Variants in USP32 observed in about 807,000 individuals in gnomAD.
The protein encoded by USP32 is ubiquitin carboxyl-terminal hydrolase 32.
Under a neutral mutation model 204.8 loss-of-function variants are expected in USP32, and 59 were observed. The ratio of observed to expected loss-of-function variants is 0.29; its 90% confidence interval spans 0.23 to 0.36. The LOEUF (loss-of-function observed/expected upper bound fraction) is 0.36, where lower values mean the gene tolerates loss of function less well. Among genes scored for constraint, USP32 ranks in the 10% least tolerant of loss-of-function variants. The pLI, the probability that USP32 is intolerant of heterozygous loss-of-function variation, is 1.00. For missense variants in USP32, 1,160 were observed against 1,946.4 expected, an observed-to-expected ratio of 0.60 and a Z score of 7.60; for synonymous variants, 517 against 678.4, an observed-to-expected ratio of 0.76 and a Z score of 3.70.
At chr17:60,215,340 G>C (rs1473318043) in intron 16 of USP32, among the ~76,000 whole-genome samples, 2 of 152,042 alleles carry the variant, frequency 1.3e-5, no homozygotes, top group Non-Finnish European at 2.9e-5. Context: ...AAGGCCCAAG[G>C]TCCAAATTAT....
chr17:60,329,999 ATAAT>A (rs1382249885), intron 2 of USP32, among the ~76,000 whole-genome samples: 4 of 152,224 alleles, frequency 2.6e-5, no homozygotes, highest in African/African-American at 9.6e-5. Flanking sequence ...CTGGTTTAAA[ATAAT>A]TAAATAATTT....
At chr17:60,272,298 T>C (rs552719794) in intron 5 of USP32, among the ~76,000 whole-genome samples, 1 of 152,332 alleles carries the variant, frequency 6.6e-6, no homozygotes, top group South Asian at 2.1e-4. Context: ...ACAGAGAAGA[T>C]GGAGTAGGAG....
chr17:60,268,091 G>C (rs980322210), intron 7 of USP32, among the ~76,000 whole-genome samples: 1 of 152,124 alleles, frequency 6.6e-6, no homozygotes, highest in Non-Finnish European at 1.5e-5. Context: ...GATTACAGGC[G>C]TGAGCAACCA....
At chr17:60,225,995 G>T in intron 13 of USP32, 44 bp downstream of exon 13, 1 of 1,519,384 alleles carries the variant, frequency 6.6e-7, no homozygotes, top group Non-Finnish European at 8.8e-7. Context: ...GACCTATCCA[G>T]GGGGAATAAA....
intron 1 of USP32, among the ~76,000 whole-genome samples, chr17:60,362,918 A>C (rs1185581669): frequency 6.6e-6 from 1 of 152,096 alleles, no homozygotes; most frequent in Non-Finnish European, 1.5e-5. Context: ...CCAAATTGTA[A>C]TAACTGATTG....
At chr17:60,312,517 C>T (rs971273907) in intron 2 of USP32, among the ~76,000 whole-genome samples, 1 of 151,964 alleles carries the variant, frequency 6.6e-6, no homozygotes, top group Non-Finnish European at 1.5e-5. Flanking sequence ...CCTTGACCTC[C>T]CAGGCTCAAG....
chr17:60,333,424 C>T (rs1479998988), intron 2 of USP32, among the ~76,000 whole-genome samples: 2 of 151,924 alleles, frequency 1.3e-5, no homozygotes, highest in South Asian at 4.1e-4. Flanking sequence ...CATGGTGAAA[C>T]CCCCATCTCT....
intron 1 of USP32, among the ~76,000 whole-genome samples, chr17:60,357,554 T>C (rs1319672034): frequency 6.6e-6 from 1 of 152,134 alleles, no homozygotes; most frequent in Non-Finnish European, 1.5e-5. Flanking sequence ...TATATGTAGA[T>C]ATATCAGTAC....
intron 14 of USP32, among the ~76,000 whole-genome samples, chr17:60,223,037 G>A (rs1423819265): frequency 1.3e-5 from 2 of 152,082 alleles, no homozygotes; most frequent in Non-Finnish European, 2.9e-5. Flanking sequence ...AATAAACTAT[G>A]TAAGAAATGA....
At chr17:60,242,870 TG>T (rs1194506984) in intron 11 of USP32, among the ~76,000 whole-genome samples, 1 of 152,256 alleles carries the variant, frequency 6.6e-6, no homozygotes. Flanking sequence ...CTGAGTTCTC[TG>T]CATTTCCCTA....
At chr17:60,233,453 C>T (rs371646002) in intron 12 of USP32, among the ~76,000 whole-genome samples, 2 of 152,132 alleles carry the variant, frequency 1.3e-5, no homozygotes, top group South Asian at 4.1e-4. Flanking sequence ...AAGGAAGATC[C>T]TGTCTCAACA....
At chr17:60,326,168 ATAAG>A (rs967098379) in intron 2 of USP32, among the ~76,000 whole-genome samples, 2 of 151,394 alleles carry the variant, frequency 1.3e-5, no homozygotes, top group African/African-American at 4.9e-5. Context: ...AAATAAGTAA[ATAAG>A]TAAGATTTAC....
chr17:60,385,480 G>A (rs1376865980), intron 1 of USP32, among the ~76,000 whole-genome samples: 2 of 152,276 alleles, frequency 1.3e-5, no homozygotes, highest in East Asian at 3.9e-4. Flanking sequence ...AGGAGACAGA[G>A]GTTGCAGTGA....
At chr17:60,400,529 A>G (rs1567896768) in intron 1 of USP32, among the ~76,000 whole-genome samples, 1 of 152,234 alleles carries the variant, frequency 6.6e-6, no homozygotes, top group Non-Finnish European at 1.5e-5. Context: ...CTACTCACTG[A>G]GATGAGGAAT....
chr17:60,414,100 C>T (rs377653073), intron 1 of USP32, among the ~76,000 whole-genome samples: 19 of 151,698 alleles, frequency 1.3e-4, no homozygotes, highest in African/African-American at 4.1e-4. Context: ...TGGTGGCTCA[C>T]GCCTATAATC....
intron 11 of USP32, among the ~76,000 whole-genome samples, chr17:60,237,987 C>T (rs915549023): frequency 6.6e-6 from 1 of 152,138 alleles, no homozygotes; most frequent in Non-Finnish European, 1.5e-5. Flanking sequence ...GAGGAACTGC[C>T]AAACTGTTTT....
chr17:60,382,395 A>T (rs2089660474), intron 1 of USP32, among the ~76,000 whole-genome samples: 2 of 152,132 alleles, frequency 1.3e-5, no homozygotes, highest in Non-Finnish European at 2.9e-5. Context: ...AATTCGGGAG[A>T]CCTGAACCAC....
intron 1 of USP32, among the ~76,000 whole-genome samples, chr17:60,348,634 C>A (rs1230534647): frequency 1.3e-5 from 2 of 151,996 alleles, no homozygotes; most frequent in Non-Finnish European, 2.9e-5. Flanking sequence ...ATTAGCCACA[C>A]TTGGTGGCAC....
intron 1 of USP32, among the ~76,000 whole-genome samples, chr17:60,348,515 C>T (rs557132733): frequency 1.3e-5 from 2 of 152,162 alleles, no homozygotes; most frequent in African/African-American, 2.4e-5. Context: ...TGGCTCATAC[C>T]TATAATCCTA....
Sources: gnomAD v4.1 joint callset for allele counts (sites outside exome capture counted in the v4.1 genomes callset) on GRCh38, gnomAD v4.1.1 for gene constraint, MANE v1.5 for transcripts, NCBI Gene and HGNC (gene_info 2026-07-23, HGNC 2026-07-21) for gene names.